The following AIG1 variants were observed in gnomAD, a reference collection of about 807,000 sequenced individuals.
The protein encoded by AIG1 is androgen-induced gene 1 protein.
Under a neutral mutation model 31.4 loss-of-function variants are expected in AIG1, and 23 were observed. The ratio of observed to expected loss-of-function variants is 0.73; its 90% CI spans 0.53 to 1.04. The LOEUF is 1.04. Ranked by LOEUF, AIG1 falls within the 50% of genes least tolerant of loss-of-function variation. AIG1 has a pLI of 0.00. For synonymous variants in AIG1, 100 were observed against 110.5 expected (o/e 0.90, Z 0.60); for missense variants, 274 against 295.0 (o/e 0.93, Z 0.52).
chr6:143,270,005 G>A (rs1219846291), intron 3 of AIG1, among the ~76,000 whole-genome samples: 1 of 152,166 alleles, frequency 6.6e-6, no homozygotes. Context: ...ATATAGTGAA[G>A]GAAGAAGAAG....
intron 3 of AIG1, among the ~76,000 whole-genome samples, chr6:143,270,178 A>T (rs1242804030): frequency 6.6e-6 from 1 of 152,200 alleles, no homozygotes; most frequent in African/African-American, 2.4e-5. Context: ...TTACATAGCC[A>T]GCTAATGGTG....
chr6:143,273,650 T>C (rs1049555593), intron 3 of AIG1, among the ~76,000 whole-genome samples: 2 of 152,228 alleles, frequency 1.3e-5, no homozygotes, highest in Middle Eastern at 3.4e-3. Flanking sequence ...CTCACAATCA[T>C]GGTGGAAGGC....
intron 3 of AIG1, chr6:143,188,687 C>T: frequency 2.0e-6 from 2 of 984,682 alleles, no homozygotes; most frequent in East Asian, 1.1e-4. Flanking sequence ...CCATCCAACC[C>T]CTCTAGAGCT....
At position 143,197,235 on chromosome 6, in the gene AIG1, A is replaced by G. The variant is rs370940234; in HGVS notation, c.399+32052A>G. Among the ~76,000 whole-genome samples the G allele has an allele frequency of 1.1e-3, 174 of 152,238 alleles. 3 individuals are homozygous for G. Among genetic ancestry groups the G allele is most frequent in the African/African-American group, 3.9e-3 (160 of 41,550 alleles). Reference sequence around the variant, plus strand: ...AGGCTTTACTCTTTTTCTAACTAAAATAATTTATGTTTTTGTACATCAAAA... The same window carrying G: ...AGGCTTTACTCTTTTTCTAACTAAAGTAATTTATGTTTTTGTACATCAAAA... On this transcript the variant is annotated intron_variant, in intron 3 of 5. Transcript: ENST00000357847.
At chr6:143,130,131 A>G (rs569507100) in intron 1 of AIG1, among the ~76,000 whole-genome samples, 35 of 151,990 alleles carry the variant, frequency 2.3e-4, no homozygotes, top group Non-Finnish European at 4.0e-4. Flanking sequence ...GGGGTTCACC[A>G]TGTTGGCCAG....
intron 1 of AIG1, among the ~76,000 whole-genome samples, chr6:143,134,998 G>A (rs1240430321): frequency 6.6e-6 from 1 of 152,078 alleles, no homozygotes; most frequent in Admixed American, 6.5e-5. Flanking sequence ...TAGGGACGTA[G>A]CTGCATCATA....
chr6:143,103,433 AC>A lies in AIG1; in HGVS notation c.142-33401del, dbSNP rs1216279280. Among the ~76,000 whole-genome samples, 3 of 152,044 alleles carry A rather than the reference AC, an allele frequency of 2.0e-5. No homozygotes were observed. The East Asian group carries it at 5.8e-4, about 29-fold the overall frequency. The stretch of plus-strand genomic sequence containing the variant: ...GAAGTCAATGGCTGTATTTAGAAGT[AC>A]AAAGTTTTAGCACTTTGAGGTCATT... On this transcript the variant is annotated intron_variant, in intron 1 of 5. Coordinates refer to ENST00000357847, the MANE Select transcript of AIG1 (RefSeq NM_016108.4).
At chr6:143,190,212 A>G (rs113428689) in intron 3 of AIG1, 1 of 985,390 alleles carries the variant, frequency 1.0e-6, no homozygotes. Flanking sequence ...AGGAAAGTAC[A>G]ACAAAGAACA....
At chr6:143,263,514 G>A (rs1264454077) in intron 3 of AIG1, among the ~76,000 whole-genome samples, 1 of 152,050 alleles carries the variant, frequency 6.6e-6, no homozygotes, top group Non-Finnish European at 1.5e-5. Context: ...TTTTATGAAT[G>A]TAACTTTAAT....
chr6:143,242,060 T>A (rs1413691001), intron 3 of AIG1, among the ~76,000 whole-genome samples: 2 of 152,148 alleles, frequency 1.3e-5, no homozygotes, highest in Non-Finnish European at 2.9e-5. Flanking sequence ...GTCACACAGC[T>A]GTGTTTTGAT....
At chr6:143,266,330 G>C in intron 3 of AIG1, among the ~76,000 whole-genome samples, 1 of 128,552 alleles carries the variant, frequency 7.8e-6, no homozygotes. Context: ...CTGGACAATA[G>C]AGTAAGAGTC....
In AIG1 at chr6:143,268,180, C is replaced by G. The variant is rs1475072941; in HGVS notation, c.400-15930C>G. On this transcript the variant is annotated intron_variant, in intron 3 of 5. Transcript: ENST00000357847. This position sits in a 1 kb window ranked among gnomAD's most constrained non-coding sequence, Gnocchi z 5.0. ...AATATTGGTCTGTGGGTGAAAATGA[C>G]AAAACATAGGGCCATAAGGAGGAAT... Among the ~76,000 whole-genome samples, 1 of 152,048 alleles carries G rather than the reference C, an allele frequency of 6.6e-6. No individual in the cohort carries two copies. The highest frequency in any genetic ancestry group is 1.5e-5 in the Non-Finnish European group (1 of 67,988).
chr6:143,197,427 G>A (rs577937247), intron 3 of AIG1, among the ~76,000 whole-genome samples: 1 of 152,220 alleles, frequency 6.6e-6, no homozygotes, highest in East Asian at 1.9e-4. Context: ...TTTTCTAAGT[G>A]TATTCTCCCA....
intron 4 of AIG1, among the ~76,000 whole-genome samples, chr6:143,324,119 T>C (rs142904606): frequency 2.6e-5 from 4 of 152,298 alleles, no homozygotes; most frequent in African/African-American, 9.6e-5. Flanking sequence ...CACATGCTCA[T>C]TGCCTGCCAA....
At chr6:143,171,479 TATATA>T in intron 3 of AIG1, among the ~76,000 whole-genome samples, 2 of 121,976 alleles carry the variant, frequency 1.6e-5, no homozygotes, top group African/African-American at 6.7e-5. Context: ...ATATATATAA[TATATA>T]TTAAATATAT....
chr6:143,329,466 CACATT>C lies in AIG1; in HGVS notation c.516-3809_516-3805del, dbSNP rs1042950407. On this transcript the variant is annotated intron_variant, in intron 4 of 5. Transcript: ENST00000357847. This position sits in a 1 kb window ranked among gnomAD's most constrained non-coding sequence, Gnocchi z 4.9. ...TCGTAGGTTGCAAACCTGAGAATTT[CACATT>C]ACATTAGCAGCTCTGACATAGTCTC... 3.9e-5 allele frequency among the ~76,000 whole-genome samples: 6 copies of C among 152,216 alleles called. No homozygotes were observed. Among genetic ancestry groups the C allele is most frequent in the Non-Finnish European group, 8.8e-5 (6 of 68,046 alleles).
chr6:143,189,212 T>A (rs998748648), intron 3 of AIG1: 1 of 417,266 alleles, frequency 2.4e-6, no homozygotes, highest in Non-Finnish European at 3.2e-6. Flanking sequence ...CCTGGCTACT[T>A]TTTTAAAAAT....
Position 143,333,425 on chromosome 6 carries a change from A to G in AIG1, c.659A>G (p.Tyr220Cys), listed in dbSNP as rs1262039061. 6.2e-6 allele frequency: 10 copies of G among 1,612,890 alleles called. No individual in the cohort carries two copies. Among genetic ancestry groups the G allele is most frequent in the African/African-American group, 1.3e-5 (1 of 74,942 alleles). The change falls in exon 5 of 6, where the codon TAT becomes TGT. Residue 220 changes from tyrosine (Y) to cysteine (C), a missense_variant. This residue lies in a region of AIG1 where 31 missense variants were observed against 56.5 expected (regional missense o/e 0.55). Transcript: ENST00000357847. This position sits in a 1 kb window ranked among gnomAD's most constrained non-coding sequence, Gnocchi z 4.6. ...LYLLGEVLNN[Y>C]IWDTQKSMEE... ...CTGCTGGGAGAAGTTCTGAACAACT[A>G]TATCTGGGATACACAGAAAAGTAAG...
intron 3 of AIG1, among the ~76,000 whole-genome samples, chr6:143,247,959 G>A (rs764492770): frequency 1.3e-5 from 2 of 152,094 alleles, no homozygotes; most frequent in Non-Finnish European, 2.9e-5. Flanking sequence ...ACTGAACACC[G>A]TCTAAAAGGC....
Sources: allele counts gnomAD v4.1 joint callset (sites outside exome capture counted in the v4.1 genomes callset), GRCh38; gene constraint gnomAD v4.1.1; regional missense constraint gnomAD v4.1.1; non-coding constraint Gnocchi (gnomAD v3.1); transcripts MANE v1.5; gene names NCBI Gene and HGNC (gene_info 2026-07-23, HGNC 2026-07-21).